FIG4: variants seen among roughly 807,000 people sequenced by gnomAD.
FIG4 encodes polyphosphoinositide phosphatase.
Under a neutral mutation model 118.6 loss-of-function variants are expected in FIG4, and 112 were observed. The observed-to-expected ratio is 0.94, with a 90% CI of 0.81 to 1.11. The LOEUF (loss-of-function observed/expected upper bound fraction) is 1.11, where lower values mean the gene tolerates loss of function less well. FIG4 is among the 50% of genes least tolerant of loss of function. The pLI, the probability that FIG4 is intolerant of heterozygous loss-of-function variation, is 0.00. For synonymous variants in FIG4, 369 were observed against 381.2 expected (o/e 0.97, Z 0.37); for missense variants, 969 against 1,111.7 (o/e 0.87, Z 1.83).
chr6:109,809,557 C>T (rs762361750), intron 22 of FIG4, among the ~76,000 whole-genome samples: 6 of 151,992 alleles, frequency 3.9e-5, no homozygotes, highest in African/African-American at 9.7e-5. Context: ...AGAACTTGTT[C>T]GCATAGGGTA....
At chr6:109,813,804 T>C (rs1778785889) in intron 22 of FIG4, among the ~76,000 whole-genome samples, 1 of 152,200 alleles carries the variant, frequency 6.6e-6, no homozygotes, top group African/African-American at 2.4e-5. Context: ...AGCAGCCATA[T>C]GGATAGGCCC....
At chr6:109,820,232 C>T (rs183694086) in intron 22 of FIG4, among the ~76,000 whole-genome samples, 129 of 152,322 alleles carry the variant, frequency 8.5e-4, no homozygotes, top group Non-Finnish European at 1.0e-3. Flanking sequence ...TCTGAGACCA[C>T]AGCTCACATG....
At chr6:109,703,913 C>T (rs1304986356) in intron 1 of FIG4, among the ~76,000 whole-genome samples, 1 of 152,164 alleles carries the variant, frequency 6.6e-6, no homozygotes, top group African/African-American at 2.4e-5. Flanking sequence ...CCGTATCCAG[C>T]CTCTAAATAA....
At chr6:109,795,687 C>T (rs1778267213) in intron 21 of FIG4, among the ~76,000 whole-genome samples, 4 of 146,570 alleles carry the variant, frequency 2.7e-5, no homozygotes, top group East Asian at 2.1e-4. Flanking sequence ...CTGCAACCTC[C>T]GCCTCATGGG....
Position 109,735,119 on chromosome 6 carries a change from A to G in FIG4, c.498-31A>G, listed in dbSNP as rs1439521808. On this transcript the variant is annotated intron_variant, in intron 5 of 22. Transcript: ENST00000230124. ...ACCATGAAATATGCTTTGCTTTTGT[A>G]ATTCTTATTAAGTTTCAATTCTGTT... The G allele has an allele frequency of 1.9e-6, 3 of 1,599,448 alleles. No individual in the cohort carries two copies. The Middle Eastern group carries it at 5.0e-4, about 265-fold the overall frequency.
chr6:109,808,779 G>T (rs1241779803), intron 22 of FIG4, among the ~76,000 whole-genome samples: 2 of 152,166 alleles, frequency 1.3e-5, no homozygotes, highest in Non-Finnish European at 2.9e-5. Context: ...TGATAAAGTA[G>T]ATCTTTTGAG....
intron 18 of FIG4, among the ~76,000 whole-genome samples, chr6:109,789,176 G>A (rs1489382774): frequency 6.6e-6 from 1 of 152,168 alleles, no homozygotes; most frequent in Non-Finnish European, 1.5e-5. Context: ...AATTTTACCT[G>A]AGAACTAATC....
intron 22 of FIG4, among the ~76,000 whole-genome samples, chr6:109,803,446 G>A (rs535979628): frequency 1.3e-5 from 2 of 152,176 alleles, no homozygotes. Context: ...AAGTTGCCAG[G>A]ATAGCAAATA....
intron 1 of FIG4, among the ~76,000 whole-genome samples, chr6:109,702,113 T>A (rs1221214192): frequency 6.6e-6 from 1 of 152,176 alleles, no homozygotes; most frequent in Non-Finnish European, 1.5e-5. Context: ...AATAATACAT[T>A]TAATCTGAAA....
chr6:109,786,919 C>T (rs552161752), intron 18 of FIG4, among the ~76,000 whole-genome samples: 2 of 152,282 alleles, frequency 1.3e-5, no homozygotes, highest in African/African-American at 4.8e-5. Flanking sequence ...CCCACACACA[C>T]ACGCCCCGCA....
At chr6:109,804,929 T>C (rs1443003687) in intron 22 of FIG4, among the ~76,000 whole-genome samples, 2 of 152,212 alleles carry the variant, frequency 1.3e-5, no homozygotes, top group African/African-American at 4.8e-5. Context: ...TAACATTAAA[T>C]TATGAATGAG....
At chr6:109,812,638 G>T (rs921611206) in intron 22 of FIG4, among the ~76,000 whole-genome samples, 11 of 152,168 alleles carry the variant, frequency 7.2e-5, no homozygotes, top group Non-Finnish European at 1.5e-4. Context: ...CAACAGGAAG[G>T]TTATTAATGA....
chr6:109,816,365 C>T (rs939465248), intron 22 of FIG4, among the ~76,000 whole-genome samples: 9 of 152,170 alleles, frequency 5.9e-5, no homozygotes, highest in South Asian at 2.1e-4. Flanking sequence ...AAACCATCAA[C>T]GTCATCAAAA....
chr6:109,759,741 GA>G (rs529410364), intron 10 of FIG4, among the ~76,000 whole-genome samples: 488 of 152,346 alleles, frequency 3.2e-3, no homozygotes, highest in Middle Eastern at 6.8e-3. Context: ...AGTGTAAAAA[GA>G]AAAAGAAATG....
intron 15 of FIG4, among the ~76,000 whole-genome samples, chr6:109,776,670 A>G (rs556749262): frequency 6.6e-6 from 1 of 152,330 alleles, no homozygotes; most frequent in African/African-American, 2.4e-5. Flanking sequence ...TCCAAATTCA[A>G]CAAGCAGTTT....
chr6:109,796,112 G>A (rs1234729148), intron 21 of FIG4, among the ~76,000 whole-genome samples: 1 of 152,230 alleles, frequency 6.6e-6, no homozygotes, highest in Non-Finnish European at 1.5e-5. Context: ...CTGCCTTAGT[G>A]CTGTTCAAGT....
At chr6:109,728,866 A>C (rs1427622915) in intron 4 of FIG4, among the ~76,000 whole-genome samples, 1 of 152,180 alleles carries the variant, frequency 6.6e-6, no homozygotes, top group African/African-American at 2.4e-5. Flanking sequence ...TCTTTATGAT[A>C]CTTTAGCCAA....
At chr6:109,786,491 G>C in intron 18 of FIG4, 42 bp downstream of exon 18, 1 of 1,606,900 alleles carries the variant, frequency 6.2e-7, no homozygotes, top group Non-Finnish European at 8.5e-7. Context: ...TTTGAGAACT[G>C]TAGTTTTCCT....
chr6:109,733,644 A>C (rs1313796264), intron 5 of FIG4, among the ~76,000 whole-genome samples: 1 of 152,066 alleles, frequency 6.6e-6, no homozygotes, highest in Non-Finnish European at 1.5e-5. Context: ...AACCTGAAGG[A>C]AGTTGATTAT....
Sources: gnomAD v4.1 joint callset for allele counts (sites outside exome capture counted in the v4.1 genomes callset) on GRCh38, gnomAD v4.1.1 for gene constraint, MANE v1.5 for transcripts, NCBI Gene and HGNC (gene_info 2026-07-23, HGNC 2026-07-21) for gene names.